SAXO1: variants seen among roughly 807,000 people sequenced by gnomAD.
SAXO1 encodes 4930500O09Rik.
SAXO1 carries 21 observed loss-of-function variants against 17.5 expected under a neutral mutation model. That is an observed-to-expected ratio of 1.20 (90% CI 0.85 to 1.72). SAXO1 has a LOEUF of 1.72. Ranked by LOEUF, SAXO1 falls within the 40% of genes most tolerant of loss-of-function variation. The probability of loss-of-function intolerance (pLI) is 0.00; values close to 1 mark genes in which losing one functional copy is unlikely to be tolerated. For synonymous variants in SAXO1, 274 were observed against 216.5 expected (o/e 1.27, Z -2.33); for missense variants, 843 against 596.0 (o/e 1.41, Z -4.32).
intron 1 of SAXO1, among the ~76,000 whole-genome samples, chr9:18,993,739 G>A (rs529615830): frequency 2.0e-3 from 311 of 152,252 alleles, no homozygotes; most frequent in Non-Finnish European, 3.5e-3. Context: ...CCTTCATATG[G>A]AGACCCTAGG....
chr9:18,990,144 C>A (rs1027076639), intron 1 of SAXO1, among the ~76,000 whole-genome samples: 2 of 150,044 alleles, frequency 1.3e-5, no homozygotes, highest in African/African-American at 4.9e-5. Context: ...GCCTACCCTG[C>A]GCACACCAAG....
chr9:18,948,228 G>C (rs569792829), intron 2 of SAXO1, among the ~76,000 whole-genome samples: 36 of 152,280 alleles, frequency 2.4e-4, no homozygotes, highest in African/African-American at 8.4e-4. Context: ...CTCGGTCTAT[G>C]AACAGTAGTG....
intron 1 of SAXO1, among the ~76,000 whole-genome samples, chr9:18,958,458 G>A (rs1281443505): frequency 6.6e-6 from 1 of 151,972 alleles, no homozygotes; most frequent in African/African-American, 2.4e-5. Context: ...CTTCTGACAA[G>A]GACTAACCCC....
intron 3 of SAXO1, among the ~76,000 whole-genome samples, chr9:18,932,835 A>C (rs1464342341): frequency 2.6e-5 from 4 of 152,232 alleles, no homozygotes; most frequent in Admixed American, 1.3e-4. Flanking sequence ...TTGATTGTCC[A>C]TGCTAGAATA....
intron 1 of SAXO1, among the ~76,000 whole-genome samples, chr9:19,046,408 TAGGC>T (rs1164173469): frequency 2.0e-5 from 3 of 151,988 alleles, no homozygotes; most frequent in East Asian, 3.9e-4. Context: ...ATTTAAAAAT[TAGGC>T]AGGCCAGGTG....
chr9:18,989,791 T>C (rs1768200961), intron 1 of SAXO1, among the ~76,000 whole-genome samples: 1 of 152,178 alleles, frequency 6.6e-6, no homozygotes, highest in South Asian at 2.1e-4. Flanking sequence ...TTTCATGGTG[T>C]ACAACTTGAG....
At chr9:19,001,058 G>A (rs564624670) in intron 1 of SAXO1, among the ~76,000 whole-genome samples, 16 of 152,196 alleles carry the variant, frequency 1.1e-4, no homozygotes, top group African/African-American at 3.6e-4. Flanking sequence ...AAGGATATCT[G>A]GGACTTGAAC....
chr9:18,982,756 A>T (rs1178662967), intron 1 of SAXO1, among the ~76,000 whole-genome samples: 1 of 152,248 alleles, frequency 6.6e-6, no homozygotes, highest in East Asian at 1.9e-4. Context: ...CTGCTTTTGA[A>T]GACTTGCTGA....
chr9:18,957,861 A>C (rs1780272585), intron 1 of SAXO1, among the ~76,000 whole-genome samples: 1 of 152,234 alleles, frequency 6.6e-6, no homozygotes. Flanking sequence ...GTTTACCTGC[A>C]GTGGTTTATA....
intron 1 of SAXO1, among the ~76,000 whole-genome samples, chr9:19,007,323 G>A (rs1834525947): frequency 6.6e-6 from 1 of 152,004 alleles, no homozygotes; most frequent in Admixed American, 6.6e-5. Context: ...CTCCAGCCTG[G>A]TCAAAGAGCA....
intron 3 of SAXO1, among the ~76,000 whole-genome samples, chr9:18,934,128 GT>G (rs1363207909): frequency 6.6e-6 from 1 of 152,048 alleles, no homozygotes; most frequent in Non-Finnish European, 1.5e-5. Context: ...CCAAATCTTT[GT>G]TTTTGGCTTT....
chr9:18,976,906 G>A (rs757986578), intron 1 of SAXO1, among the ~76,000 whole-genome samples: 3 of 152,198 alleles, frequency 2.0e-5, no homozygotes, highest in East Asian at 1.9e-4. Flanking sequence ...CATCAGGAAC[G>A]ACCCCACAAA....
At chr9:19,035,591 G>A (rs1187291590), upstream of SAXO1, among the ~76,000 whole-genome samples, 1 of 152,224 alleles carries the variant, frequency 6.6e-6, no homozygotes, top group Non-Finnish European at 1.5e-5. Flanking sequence ...AGTTTGGAGG[G>A]CTCCGAAGAA....
rs189817835 is a variant in SAXO1 at position 19,000,682 on chromosome 9, T to C, written c.38+32189A>G. Among the ~76,000 whole-genome samples the C allele has an allele frequency of 3.0e-3, 460 of 152,258 alleles. 8 individuals are homozygous for C. The South Asian group carries it at 0.044, about 15-fold the overall frequency. On this transcript the variant is annotated intron_variant, in intron 1 of 3. Transcript: ENST00000380534. Reference sequence around the variant, plus strand: ...GCCCTCCCCAAGTTTGCATTTTTGATATTAAAGTTTACTTTTTAATTAAAA... The same window carrying C: ...GCCCTCCCCAAGTTTGCATTTTTGACATTAAAGTTTACTTTTTAATTAAAA...
intron 1 of SAXO1, among the ~76,000 whole-genome samples, chr9:19,000,233 A>C (rs1834202112): frequency 6.7e-6 from 1 of 148,480 alleles, no homozygotes; most frequent in Non-Finnish European, 1.5e-5. Flanking sequence ...GGAAGTGAGG[A>C]GCGCCTCTGC....
At chr9:18,937,846 A>G (rs1254307707) in intron 3 of SAXO1, among the ~76,000 whole-genome samples, 2 of 152,166 alleles carry the variant, frequency 1.3e-5, no homozygotes, top group African/African-American at 4.8e-5. Flanking sequence ...TTATTTATAA[A>G]TTACTCACTC....
At chr9:19,027,326 G>T in intron 1 of SAXO1, 1 of 800,200 alleles carries the variant, frequency 1.2e-6, no homozygotes. Flanking sequence ...ATCCAATCCT[G>T]GAGACACTGC....
chr9:18,929,439 G>T (rs1375695564), intron 3 of SAXO1, among the ~76,000 whole-genome samples: 1 of 152,222 alleles, frequency 6.6e-6, no homozygotes, highest in Non-Finnish European at 1.5e-5. Context: ...GGAGTGAGAA[G>T]ATGCATGTGA....
At chr9:18,941,399 A>G (rs974274349) in intron 3 of SAXO1, among the ~76,000 whole-genome samples, 4 of 152,228 alleles carry the variant, frequency 2.6e-5, no homozygotes, top group African/African-American at 9.6e-5. Context: ...TCAATTTTAT[A>G]TCATTTTCAC....
Sources: allele counts gnomAD v4.1 joint callset (sites outside exome capture counted in the v4.1 genomes callset), GRCh38; gene constraint gnomAD v4.1.1; transcripts MANE v1.5; gene names NCBI Gene and HGNC (gene_info 2026-07-23, HGNC 2026-07-21).